ATP2B2: variants seen among roughly 807,000 people sequenced by gnomAD.
ATP2B2 encodes the protein ATPase plasma membrane Ca2+ transporting 2, also known as plasma membrane calcium-transporting ATPase 2.
In ATP2B2, 15 loss-of-function variants were observed where a neutral mutation model predicts 120.0. The ratio of observed to expected loss-of-function variants is 0.12; its 90% CI spans 0.08 to 0.19. The LOEUF (loss-of-function observed/expected upper bound fraction) is 0.19, where lower values mean the gene tolerates loss of function less well. ATP2B2 is among the 10% of genes least tolerant of loss of function. The probability of loss-of-function intolerance (pLI) is 1.00; values close to 1 mark genes in which losing one functional copy is unlikely to be tolerated. For missense variants in ATP2B2, 1,045 were observed against 1,719.8 expected, an observed-to-expected ratio of 0.61 and a Z score of 6.94; for synonymous variants, 694 against 700.3, an observed-to-expected ratio of 0.99 and a Z score of 0.14.
At chr3:10,410,530 G>T in intron 3 of ATP2B2, 88 bp downstream of exon 3, 4 of 1,446,110 alleles carry the variant, frequency 2.8e-6, no homozygotes, top group Non-Finnish European at 3.8e-6. Context: ...GGGAGGAGAG[G>T]ATTATTTGTG....
intron 1 of ATP2B2, among the ~76,000 whole-genome samples, chr3:10,496,397 C>A (rs1389243391): frequency 6.6e-6 from 1 of 152,212 alleles, no homozygotes; most frequent in African/African-American, 2.4e-5. Context: ...TTGCACACAG[C>A]ATCCCACTCA....
chr3:10,538,824 G>A (rs942119872), intron 2 of ATP2B2, among the ~76,000 whole-genome samples: 1 of 152,180 alleles, frequency 6.6e-6, no homozygotes, highest in African/African-American at 2.4e-5. Context: ...ACAAGACAGG[G>A]ATGCTCTCTC....
chr3:10,620,557 G>C (rs1057009522), intron 1 of ATP2B2, among the ~76,000 whole-genome samples: 2 of 152,126 alleles, frequency 1.3e-5, no homozygotes, highest in African/African-American at 4.8e-5. Context: ...GTGAAAGCAG[G>C]GGGGATTCCT....
chr3:10,499,005 T>C lies in ATP2B2; in HGVS notation c.-320+6460A>G, dbSNP rs1358083951. 2.6e-5 allele frequency among the ~76,000 whole-genome samples: 4 copies of C among 151,996 alleles called. No individual in the cohort carries two copies. The East Asian group carries it at 7.7e-4, about 29-fold the overall frequency. Reference sequence around the variant, plus strand: ...TCGTGGCACAATCTTGTGAGGCAGGTTTTTCCCACTCCACTTTGCATATCA... The same window carrying C: ...TCGTGGCACAATCTTGTGAGGCAGGCTTTTCCCACTCCACTTTGCATATCA... On this transcript the variant is annotated intron_variant, in intron 1 of 22. Transcript: ENST00000360273.
chr3:10,654,080 C>G (rs749602200), intron 1 of ATP2B2, among the ~76,000 whole-genome samples: 15 of 152,148 alleles, frequency 9.9e-5, no homozygotes, highest in Admixed American at 2.0e-4. Flanking sequence ...CATTCTCTTA[C>G]TTGTCCCTCC....
chr3:10,668,261 C>T (rs775384453), intron 1 of ATP2B2, among the ~76,000 whole-genome samples: 8 of 152,216 alleles, frequency 5.3e-5, no homozygotes, highest in East Asian at 1.9e-4. Flanking sequence ...TTGTCACCAT[C>T]GGGTAAAGGT....
chr3:10,634,025 G>A (rs1464316084), intron 1 of ATP2B2, among the ~76,000 whole-genome samples: 1 of 152,036 alleles, frequency 6.6e-6, no homozygotes, highest in East Asian at 1.9e-4. Context: ...AGATGCACAA[G>A]GAGAACCCTT....
At chr3:10,574,978 T>C (rs1235448867) in intron 2 of ATP2B2, among the ~76,000 whole-genome samples, 1 of 152,154 alleles carries the variant, frequency 6.6e-6, no homozygotes, top group Non-Finnish European at 1.5e-5. Context: ...CCTGGGCCTG[T>C]GTCTCAGGGC....
chr3:10,434,027 T>A (rs530056616), intron 2 of ATP2B2, among the ~76,000 whole-genome samples: 64 of 151,790 alleles, frequency 4.2e-4, no homozygotes, highest in Middle Eastern at 3.4e-3. Context: ...TTCTTTAAAG[T>A]GTAAAAAAAA....
intron 22 of ATP2B2, among the ~76,000 whole-genome samples, chr3:10,336,663 G>A (rs1559525333): frequency 1.3e-5 from 2 of 152,174 alleles, no homozygotes; most frequent in Non-Finnish European, 2.9e-5. Context: ...GGTGTGGTGG[G>A]GGTCCTGAGG....
At chr3:10,387,612 G>C (rs1475969963) in intron 6 of ATP2B2, among the ~76,000 whole-genome samples, 1 of 152,246 alleles carries the variant, frequency 6.6e-6, no homozygotes, top group Non-Finnish European at 1.5e-5. Context: ...GAAGAGACTT[G>C]AGCTTTTTGT....
At chr3:10,686,274 C>G (rs2071521335) in intron 1 of ATP2B2, among the ~76,000 whole-genome samples, 1 of 152,068 alleles carries the variant, frequency 6.6e-6, no homozygotes. Context: ...TGATGTTAGT[C>G]TTGTGGAGGA....
chr3:10,384,233 A>G (rs1031449994), intron 8 of ATP2B2, among the ~76,000 whole-genome samples: 1 of 152,146 alleles, frequency 6.6e-6, no homozygotes, highest in African/African-American at 2.4e-5. Flanking sequence ...ACAAGTCTCC[A>G]TATTTTGCAG....
Position 10,340,228 on chromosome 3 carries a change from T to C in ATP2B2, c.3237+14A>G. The C allele has an allele frequency of 6.2e-7, 1 of 1,613,078 alleles. No individual in the cohort carries two copies. Among genetic ancestry groups the C allele is most frequent in the Non-Finnish European group, 8.5e-7 (1 of 1,179,376 alleles). On this transcript the variant is annotated intron_variant, in intron 21 of 22. Transcript: ENST00000360273. The surrounding 1 kb of genome is among the most constrained non-coding windows in gnomAD (Gnocchi z 5.0). ...CTGCTAACAGGCACCTCCTGCGACC[T>C]ACCAGGAACTTACCTGGCCCCAAAC... is the stretch of plus-strand genomic sequence containing the variant.
At position 10,424,706 on chromosome 3, in the gene ATP2B2, ACAG is replaced by A. The variant is rs796208875; in HGVS notation, c.200-13894_200-13892del. ...CATCTATTCCAAAGAATACTACACA[ACAG>A]ATTTAAAAAATGAGATCCATTTATA... On this transcript the variant is annotated intron_variant, in intron 2 of 22. Coordinates refer to ENST00000360273, the MANE Select transcript of ATP2B2 (RefSeq NM_001001331.4). 1.8e-4 allele frequency among the ~76,000 whole-genome samples: 27 copies of A among 152,382 alleles called. 1 individual carries two copies. Among genetic ancestry groups the A allele is most frequent in the African/African-American group, 6.3e-4 (26 of 41,592 alleles).
rs559329224 is a variant in ATP2B2, at chr3:10,467,727, G to A, written c.-319-17865C>T. On this transcript the variant is annotated intron_variant, in intron 1 of 22. Transcript: ENST00000360273. Reference sequence around the variant, plus strand: ...ACAGGTAGGATACCGTTACTGAACCGGAGGAAACGAGGTAACATTTTTGGC... The same window carrying A: ...ACAGGTAGGATACCGTTACTGAACCAGAGGAAACGAGGTAACATTTTTGGC... Among the ~76,000 whole-genome samples the A allele has an allele frequency of 1.3e-4, 20 of 152,318 alleles. 1 individual carries two copies. The highest frequency in any genetic ancestry group is 3.4e-3 in the Middle Eastern group (1 of 294).
chr3:10,397,328 C>T (rs2062070857), intron 5 of ATP2B2, among the ~76,000 whole-genome samples: 1 of 152,206 alleles, frequency 6.6e-6, no homozygotes, highest in Admixed American at 6.5e-5. Context: ...TGGCCAAGGA[C>T]AGCAGGGCCT....
At chr3:10,435,834 G>T (rs1262124702) in intron 2 of ATP2B2, among the ~76,000 whole-genome samples, 2 of 152,128 alleles carry the variant, frequency 1.3e-5, no homozygotes, top group Non-Finnish European at 2.9e-5. Context: ...GGGACTTCAA[G>T]CACTATGAAT....
intron 2 of ATP2B2, among the ~76,000 whole-genome samples, chr3:10,596,194 A>T (rs917070683): frequency 6.6e-6 from 1 of 152,208 alleles, no homozygotes; most frequent in Non-Finnish European, 1.5e-5. Context: ...CATTTAAAGC[A>T]GAAGACCCCA....
Sources: allele counts gnomAD v4.1 joint callset (sites outside exome capture counted in the v4.1 genomes callset), GRCh38; gene constraint gnomAD v4.1.1; non-coding constraint Gnocchi (gnomAD v3.1); transcripts MANE v1.5; gene names NCBI Gene and HGNC (gene_info 2026-07-23, HGNC 2026-07-21).